Variants in CACNA1A observed in about 807,000 individuals in gnomAD.
The protein encoded by CACNA1A is voltage-dependent P/Q-type calcium channel subunit alpha-1A.
A neutral mutation model predicts 262.4 loss-of-function variants in CACNA1A; 57 were observed. That is an observed-to-expected ratio of 0.22 (90% CI 0.18 to 0.27). The LOEUF is 0.27. CACNA1A is among the 10% of genes least tolerant of loss of function. CACNA1A has a pLI of 1.00. For synonymous variants in CACNA1A, 1,431 were observed against 1,419.3 expected (o/e 1.01, Z -0.18); for missense variants, 2,526 against 3,562.8 (o/e 0.71, Z 7.41).
At chr19:13,312,513 T>G (rs1315586038) in intron 12 of CACNA1A, 156 bp downstream of exon 12, 3 of 573,226 alleles carry the variant, frequency 5.2e-6, no homozygotes, top group Non-Finnish European at 9.0e-6. Context: ...CACTGTATCC[T>G]TGCCAGTGTT....
intron 30 of CACNA1A, among the ~76,000 whole-genome samples, chr19:13,248,035 C>T (rs1262416820): frequency 6.6e-6 from 1 of 152,106 alleles, no homozygotes. Context: ...TTGTTCACAG[C>T]AGGAACTGGC....
chr19:13,448,040 A>G (rs10419374), intron 3 of CACNA1A, among the ~76,000 whole-genome samples: 29,297 of 151,230 alleles, frequency 0.19, 3,377 homozygotes, highest in East Asian at 0.34. Flanking sequence ...CTGCTCAATA[A>G]TATATGAGCT....
intron 1 of CACNA1A, among the ~76,000 whole-genome samples, chr19:13,500,145 C>T (rs1982202421): frequency 6.6e-6 from 1 of 152,204 alleles, no homozygotes; most frequent in Non-Finnish European, 1.5e-5. Context: ...TAAAACCCAT[C>T]AAAATCCTAA....
At chr19:13,285,984 T>G (rs2057389055) in intron 20 of CACNA1A, among the ~76,000 whole-genome samples, 1 of 135,446 alleles carries the variant, frequency 7.4e-6, no homozygotes, top group Non-Finnish European at 1.5e-5. Context: ...TTTGAGACAG[T>G]CTCGCTTTGT....
intron 1 of CACNA1A, among the ~76,000 whole-genome samples, chr19:13,505,305 C>G (rs1396545381): frequency 1.3e-5 from 2 of 152,164 alleles, no homozygotes; most frequent in African/African-American, 2.4e-5. Context: ...CAGATAGGAA[C>G]AGCGGCCCAC....
rs78032304 is a variant in CACNA1A, at chr19:13,345,290, G to A, written c.979-9381C>T. On this transcript the variant is annotated intron_variant, in intron 6 of 46. Coordinates refer to ENST00000360228, the MANE Select transcript of CACNA1A (RefSeq NM_001127222.2). ...CAACATGATGTGCCTGGATCACACA[G>A]GGTGCAGATGGCATGGGTGGGACTA... Among the ~76,000 whole-genome samples, 860 of 152,274 alleles carry A rather than the reference G, an allele frequency of 5.6e-3. 6 individuals carry two copies. Among genetic ancestry groups the A allele is most frequent in the African/African-American group, 0.02 (813 of 41,560 alleles).
Position 13,312,747 on chromosome 19 carries a change from C to G in CACNA1A, c.1590G>C (p.Met530Ile). Residue 530 changes from methionine (M) to isoleucine (I), a missense_variant, in exon 12 of 47, where the codon ATG (methionine) becomes ATC (isoleucine). Met to Ile is a conservative substitution (Grantham distance 10, BLOSUM62 1). Transcript: ENST00000360228. ...CGTACATTTTTATAAACATTTCGGA[C>G]ATAAAGAGTCCTAAGAAAATGAATT... Reference protein sequence around the residue: ...YAEFIFLGLFMSEMFIKMYGL... With the variant: ...YAEFIFLGLFISEMFIKMYGL... The G allele has an allele frequency of 6.3e-7, 1 of 1,587,038 alleles. No individual in the cohort carries two copies. Among genetic ancestry groups the G allele is most frequent in the Non-Finnish European group, 8.6e-7 (1 of 1,168,322 alleles).
At chr19:13,392,913 AT>A (rs1284782564) in intron 3 of CACNA1A, among the ~76,000 whole-genome samples, 1 of 152,154 alleles carries the variant, frequency 6.6e-6, no homozygotes, top group African/African-American at 2.4e-5. Flanking sequence ...TGCTCGGCTA[AT>A]CTTTGTATTT....
rs1489777665 is a variant in CACNA1A, at chr19:13,506,249, G to A, written c.-25C>T. The A allele has an allele frequency of 7.0e-7, 1 of 1,425,816 alleles. No homozygotes were observed. Among genetic ancestry groups the A allele is most frequent in the Non-Finnish European group, 9.1e-7 (1 of 1,101,966 alleles). 88.3% of individuals were successfully genotyped at this position (1,425,816 alleles called of 1,614,324 possible). The stretch of plus-strand genomic sequence containing the variant: ...TTCTGCAAAGAGCAAAGGGCTCCGG[G>A]TTACGCTGCGGCGAACGATGCGGAA... On this transcript the variant is annotated 5_prime_UTR_variant, in exon 1 of 47. Transcript: ENST00000360228.
intron 1 of CACNA1A, among the ~76,000 whole-genome samples, chr19:13,469,615 AT>A (rs745335031): frequency 0.023 from 3,053 of 133,736 alleles, 32 homozygotes; most frequent in African/African-American, 0.027. Context: ...CGCCTGGCTA[AT>A]TTTTTTTTTT....
At chr19:13,364,017 C>T (rs1203290850) in intron 5 of CACNA1A, 1 of 151,438 alleles carries the variant, frequency 6.6e-6, no homozygotes, top group Non-Finnish European at 1.5e-5. Flanking sequence ...GTGGTGGACA[C>T]ACTGCTTCCA....
At position 13,298,923 on chromosome 19, in the gene CACNA1A, G is replaced by C; in HGVS notation, c.2710C>G (p.His904Asp). Residue 904 changes from histidine to aspartate, a missense_variant, in exon 19 of 47, where the codon CAC becomes GAC. This residue lies in a region of CACNA1A where 765 missense variants were observed against 748.6 expected (regional missense o/e 1.02). Coordinates refer to ENST00000360228, the MANE Select transcript of CACNA1A (RefSeq NM_001127222.2). ...EGPYGRESDH[H>D]AREGSLEQPG... ...TGCTCCAGGCTGCCCTCCCGGGCGT[G>C]GTGGTCCGACTCGCGGCCGTAGGGT... 6.3e-7 allele frequency: 1 copy of C among 1,594,730 alleles called. No individual in the cohort carries two copies.
chr19:13,208,132 G>T (rs1383045098), intron 46 of CACNA1A, 79 bp from the exon 47 acceptor site: 2 of 1,013,288 alleles, frequency 2.0e-6, no homozygotes, highest in East Asian at 3.7e-5. Context: ...GGGAGGAAGA[G>T]AGGGGAGCGA....
chr19:13,216,442 A>AT (rs71168685), intron 38 of CACNA1A, among the ~76,000 whole-genome samples: 127,293 of 151,976 alleles, frequency 0.84, 53,696 homozygotes, highest in African/African-American at 0.92. Flanking sequence ...AGTTCAAGCG[A>AT]TTCTCCTACC....
At position 13,241,447 on chromosome 19, in the gene CACNA1A, T is replaced by C. The variant is rs1338313170; in HGVS notation, c.4950+3735A>G. Reference sequence around the variant, plus strand: ...CACGTTGGAGAGGCAGGGTGTGGCATGCAATGCCGACGCGAGGAGATGCGT... The same window carrying C: ...CACGTTGGAGAGGCAGGGTGTGGCACGCAATGCCGACGCGAGGAGATGCGT... On this transcript the variant is annotated intron_variant, in intron 31 of 46. Transcript: ENST00000360228. This position sits in a 1 kb window ranked among gnomAD's most constrained non-coding sequence, Gnocchi z 4.0. The C allele has an allele frequency of 3.0e-6, 3 of 1,011,850 alleles. No individual in the cohort carries two copies. The highest frequency in any genetic ancestry group is 1.4e-5 in the South Asian group (1 of 73,614). The allele number at this position is 1,011,850 out of a possible 1,614,324, so 62.7% of individuals were successfully genotyped here.
intron 3 of CACNA1A, among the ~76,000 whole-genome samples, chr19:13,410,081 T>TC (rs1206274065): frequency 6.6e-6 from 1 of 152,200 alleles, no homozygotes; most frequent in African/African-American, 2.4e-5. Context: ...TGCTGTCATC[T>TC]AAAGTGAAAC....
chr19:13,457,777 C>T (rs1476971919), intron 1 of CACNA1A, among the ~76,000 whole-genome samples: 3 of 150,106 alleles, frequency 2.0e-5, no homozygotes, highest in East Asian at 2.0e-4. Context: ...TGCTTGAACC[C>T]GGGAGGCGGA....
intron 10 of CACNA1A, among the ~76,000 whole-genome samples, chr19:13,318,357 GT>G (rs750249450): frequency 6.6e-6 from 1 of 152,180 alleles, no homozygotes; most frequent in Non-Finnish European, 1.5e-5. Flanking sequence ...GAGTGGAGTG[GT>G]TGAGGGGAAA....
At chr19:13,267,780 CCTT>C (rs1183271873) in intron 24 of CACNA1A, among the ~76,000 whole-genome samples, 2 of 151,698 alleles carry the variant, frequency 1.3e-5, no homozygotes, top group African/African-American at 4.8e-5. Context: ...CTGTCTCTCT[CCTT>C]CTCTCCTTTT....
Sources: allele counts gnomAD v4.1 joint callset (sites outside exome capture counted in the v4.1 genomes callset), GRCh38; gene constraint gnomAD v4.1.1; regional missense constraint gnomAD v4.1.1; non-coding constraint Gnocchi (gnomAD v3.1); transcripts MANE v1.5; gene names NCBI Gene and HGNC (gene_info 2026-07-23, HGNC 2026-07-21).